Variants in PHACTR2 observed in about 807,000 individuals in gnomAD.
PHACTR2 encodes the protein chromosome 6 open reading frame 56.
In PHACTR2, 30 loss-of-function variants were observed where a neutral mutation model predicts 76.0. That is an observed-to-expected ratio of 0.39 (90% CI 0.30 to 0.54). The LOEUF is 0.54. Ranked by LOEUF, PHACTR2 falls within the 20% of genes least tolerant of loss-of-function variation. The pLI is 0.61. For missense variants in PHACTR2, 696 were observed against 781.1 expected (o/e 0.89, Z 1.30); for synonymous variants, 292 against 292.5 (o/e 1.00, Z 0.02).
Position 143,543,974 on chromosome 6 carries a change from A to G in PHACTR2, c.217+6767A>G, listed in dbSNP as rs753001706. Among the ~76,000 whole-genome samples, 10 of 152,194 alleles carry G rather than the reference A, an allele frequency of 6.6e-5. No individual in the cohort carries two copies. Among genetic ancestry groups the G allele is most frequent in the Non-Finnish European group, 1.2e-4 (8 of 68,038 alleles). Reference sequence around the variant, plus strand: ...GTGCTTTGATGTGCTGAGTATTTCTAACTGAAGGACATTGGAAGGGCCTCA... The same window carrying G: ...GTGCTTTGATGTGCTGAGTATTTCTGACTGAAGGACATTGGAAGGGCCTCA... On this transcript the variant is annotated intron_variant, in intron 1 of 11. Coordinates refer to the PHACTR2 transcript ENST00000367584. The surrounding 1 kb of genome is among the most constrained non-coding windows in gnomAD (Gnocchi z 4.7).
chr6:143,798,672 A>G (rs923371495), intron 11 of PHACTR2, among the ~76,000 whole-genome samples: 1 of 152,158 alleles, frequency 6.6e-6, no homozygotes, highest in Non-Finnish European at 1.5e-5. Flanking sequence ...GGTTCTGTTT[A>G]TGTGATGGAT....
chr6:143,707,326 GGCTTCAAAAAT>G (rs1778078155), intron 1 of PHACTR2, among the ~76,000 whole-genome samples: 1 of 152,060 alleles, frequency 6.6e-6, no homozygotes, highest in African/African-American at 2.4e-5. Context: ...GCTATGATTG[GGCTTCAAAAAT>G]GCATTCTCAT....
Position 143,743,673 on chromosome 6 carries a change from C to T in PHACTR2, c.215-5312C>T, listed in dbSNP as rs1465634362. Among the ~76,000 whole-genome samples, 1 of 152,202 alleles carries T rather than the reference C, an allele frequency of 6.6e-6. No homozygotes were observed. The highest frequency in any genetic ancestry group is 1.5e-5 in the Non-Finnish European group (1 of 68,036). On this transcript the variant is annotated intron_variant, in intron 2 of 12. Coordinates refer to ENST00000440869, the MANE Select transcript of PHACTR2 (RefSeq NM_001100164.2). This position sits in a 1 kb window ranked among gnomAD's most constrained non-coding sequence, Gnocchi z 5.0. The stretch of plus-strand genomic sequence containing the variant: ...AAGAGGGGCAAAGCCGAGCCAGGCT[C>T]TTGTAGAACACTTTCAACACAAGAC...
At position 143,646,641 on chromosome 6, in the gene PHACTR2, C is replaced by T. The variant is rs1776663722; in HGVS notation, c.13+38319C>T. ...AGAAGATAATTAGAATTCCACTTTT[C>T]TTGAAATGTCAAGAAGGGCAGGTGT... On this transcript the variant is annotated intron_variant, in intron 1 of 11. Coordinates refer to the PHACTR2 transcript ENST00000305766. The surrounding 1 kb of genome is among the most constrained non-coding windows in gnomAD (Gnocchi z 4.1). 6.6e-6 allele frequency among the ~76,000 whole-genome samples: 1 copy of T among 152,146 alleles called. No homozygotes were observed. The highest frequency in any genetic ancestry group is 1.5e-5 in the Non-Finnish European group (1 of 68,024).
intron 2 of PHACTR2, among the ~76,000 whole-genome samples, chr6:143,737,078 G>GTCTATTATA (rs1019994404): frequency 6.6e-6 from 1 of 151,570 alleles, no homozygotes; most frequent in African/African-American, 2.4e-5. Context: ...ATTATATAGA[G>GTCTATTATA]TCTATTATAT....
intron 1 of PHACTR2, among the ~76,000 whole-genome samples, chr6:143,538,135 T>TA: frequency 6.6e-6 from 1 of 152,258 alleles, no homozygotes; most frequent in South Asian, 2.1e-4. Context: ...AGCCTCAAGC[T>TA]AGCCCCTCTG....
At position 143,558,779 on chromosome 6, in the gene PHACTR2, C is replaced by T. The variant is rs939652766; in HGVS notation, c.217+21572C>T. ...CCCAACTGGCCTTTGAGTACAGGTA[C>T]GTTAGGATTTGTAGACCTCTGAGGA... On this transcript the variant is annotated intron_variant, in intron 1 of 11. Coordinates refer to the PHACTR2 transcript ENST00000367584. The surrounding 1 kb of genome is among the most constrained non-coding windows in gnomAD (Gnocchi z 4.7). Among the ~76,000 whole-genome samples the T allele has an allele frequency of 2.0e-5, 3 of 152,080 alleles. No homozygotes were observed. Among genetic ancestry groups the T allele is most frequent in the South Asian group, 2.1e-4 (1 of 4,830 alleles).
chr6:143,537,190 TC>T lies in PHACTR2; in HGVS notation c.202del (p.His68ThrfsTer14). On this transcript the variant is annotated frameshift_variant, in exon 1 of 12. Transcript: ENST00000367584. LOFTEE classifies it high-confidence loss of function. This position sits in a 1 kb window ranked among gnomAD's most constrained non-coding sequence, Gnocchi z 4.4. ...TCGAGCAGGGGCCGCCCGCTCCGGG[TC>T]CACATCTCCGGCTCAGGTAAGAGCG... The T allele has an allele frequency of 3.4e-6, 1 of 292,754 alleles. No individual in the cohort carries two copies. Among genetic ancestry groups the T allele is most frequent in the South Asian group, 4.0e-5 (1 of 25,002 alleles). The allele number at this position is 292,754 out of a possible 1,614,324, so 18.1% of individuals were successfully genotyped here.
At chr6:143,640,496 G>A (rs1776546122) in intron 1 of PHACTR2, among the ~76,000 whole-genome samples, 1 of 152,110 alleles carries the variant, frequency 6.6e-6, no homozygotes, top group African/African-American at 2.4e-5. Context: ...CAGAGATGGA[G>A]GAGAAGTGAG....
At position 143,783,097 on chromosome 6, in the gene PHACTR2, A is replaced by G. The variant is rs1290743943; in HGVS notation, c.1646-122A>G. The G allele has an allele frequency of 3.3e-6, 2 of 609,870 alleles. No individual in the cohort carries two copies. The highest frequency in any genetic ancestry group is 3.8e-5 in the African/African-American group (2 of 52,966). The allele number at this position is 609,870 out of a possible 1,614,324, so 37.8% of individuals were successfully genotyped here. A position where few individuals can be genotyped will look rare whatever the true frequency, so the allele number is the denominator to read the frequency against. On this transcript the variant is annotated intron_variant, in intron 9 of 12. Coordinates refer to ENST00000440869, the MANE Select transcript of PHACTR2 (RefSeq NM_001100164.2). This position sits in a 1 kb window ranked among gnomAD's most constrained non-coding sequence, Gnocchi z 5.2. ...CAAAATATTTTGACAACTTTTTAAC[A>G]ATGTTGGTTGTGTGTTTGATCATTA...
chr6:143,714,346 G>A (rs532036444), intron 2 of PHACTR2, among the ~76,000 whole-genome samples: 43 of 152,334 alleles, frequency 2.8e-4, no homozygotes, highest in African/African-American at 6.7e-4. Flanking sequence ...GCCGCACAGC[G>A]ATAAATACCA....
At chr6:143,812,697 T>C (rs1776204943) in intron 12 of PHACTR2, among the ~76,000 whole-genome samples, 1 of 152,228 alleles carries the variant, frequency 6.6e-6, no homozygotes, top group Non-Finnish European at 1.5e-5. Flanking sequence ...CTCAGTTGCT[T>C]AGACCTTGCT....
intron 1 of PHACTR2, among the ~76,000 whole-genome samples, chr6:143,629,904 A>G (rs1248042612): frequency 2.6e-5 from 4 of 152,170 alleles, no homozygotes; most frequent in African/African-American, 9.7e-5. Context: ...AAAATGTGCC[A>G]TCTGCAACAT....
chr6:143,630,896 T>C (rs745767534), intron 1 of PHACTR2, among the ~76,000 whole-genome samples: 2 of 152,210 alleles, frequency 1.3e-5, no homozygotes, highest in Non-Finnish European at 2.9e-5. Context: ...AAAAAGTCAT[T>C]CCTAGGTCTT....
rs779087320 is a variant in PHACTR2, at chr6:143,783,331, T to A, written c.1707+51T>A. 90 of 1,057,966 alleles carry A rather than the reference T, an allele frequency of 8.5e-5. No homozygotes were observed. Among genetic ancestry groups the A allele is most frequent in the Non-Finnish European group, 1.2e-4 (80 of 692,338 alleles). The allele number at this position is 1,057,966 out of a possible 1,614,324, so 65.5% of individuals were successfully genotyped here. ...GCATATGTGTTTTGAGATATACTTT[T>A]AAAAAAAAATACTAATCCTCTCTGT... On this transcript the variant is annotated intron_variant, in intron 10 of 12. Transcript: ENST00000440869. This position sits in a 1 kb window ranked among gnomAD's most constrained non-coding sequence, Gnocchi z 5.2.
intron 2 of PHACTR2, among the ~76,000 whole-genome samples, chr6:143,723,146 A>G (rs995573436): frequency 2.0e-5 from 3 of 152,204 alleles, no homozygotes; most frequent in Non-Finnish European, 4.4e-5. Context: ...GTTATGGTCC[A>G]GAAAGTCAGA....
Position 143,820,459 on chromosome 6 carries a change from A to G in PHACTR2, c.1923-3215A>G, listed in dbSNP as rs1481109841. ...TTCCCAAAGGGAGAAATCAGACAAA[A>G]GAAGGTGGCTACAGGCCCCATGCAA... On this transcript the variant is annotated intron_variant, in intron 12 of 12. Transcript: ENST00000440869. The surrounding 1 kb of genome is among the most constrained non-coding windows in gnomAD (Gnocchi z 4.2). 6.6e-6 allele frequency among the ~76,000 whole-genome samples: 1 copy of G among 152,236 alleles called. No individual in the cohort carries two copies. The highest frequency in any genetic ancestry group is 6.5e-5 in the Admixed American group (1 of 15,286).
At chr6:143,735,365 ATTCT>A (rs1778792443) in intron 2 of PHACTR2, among the ~76,000 whole-genome samples, 1 of 152,222 alleles carries the variant, frequency 6.6e-6, no homozygotes, top group African/African-American at 2.4e-5. Context: ...CGTGATGAAA[ATTCT>A]TTCTTGTCTG....
rs552168830 is a variant in PHACTR2 at position 143,574,253 on chromosome 6, G to GT, written c.217+37046_217+37047insT. On this transcript the variant is annotated intron_variant, in intron 1 of 11. Transcript: ENST00000367584. ...TCCTCAAGGCAGGAAGGAGAATCCC[G>GT]GTCTCTAGTTCACTAAGGCAGAGTC... 1.2e-4 allele frequency among the ~76,000 whole-genome samples: 19 copies of GT among 152,242 alleles called. No individual in the cohort carries two copies. The South Asian group carries it at 1.7e-3, about 13-fold the overall frequency.
Sources: allele counts gnomAD v4.1 joint callset (sites outside exome capture counted in the v4.1 genomes callset), GRCh38; gene constraint gnomAD v4.1.1; non-coding constraint Gnocchi (gnomAD v3.1); transcripts MANE v1.5; gene names NCBI Gene and HGNC (gene_info 2026-07-23, HGNC 2026-07-21).